The following MYLK4 variants were observed in gnomAD, a reference collection of about 807,000 sequenced individuals.
MYLK4 encodes the protein myosin light chain kinase family member 4.
MYLK4 carries 46 observed loss-of-function variants against 48.1 expected under a neutral mutation model. That is an observed-to-expected ratio of 0.96 (90% CI 0.75 to 1.22). MYLK4 has a LOEUF of 1.22. Among genes scored for constraint, MYLK4 ranks in the 50% most tolerant of loss-of-function variants. MYLK4 has a pLI of 0.00. For synonymous variants in MYLK4, 170 were observed against 180.8 expected, an observed-to-expected ratio of 0.94 and a Z score of 0.48; for missense variants, 451 against 486.1, an observed-to-expected ratio of 0.93 and a Z score of 0.68.
the MYLK4 span, among the ~76,000 whole-genome samples, chr6:2,759,322 G>A: frequency 6.6e-6 from 1 of 152,086 alleles, no homozygotes; most frequent in African/African-American, 2.4e-5. Context: ...GCCCAGGTTG[G>A]TCTTGAACTC....
At chr6:2,715,633 A>G (rs942234870) in intron 2 of MYLK4, among the ~76,000 whole-genome samples, 1 of 152,154 alleles carries the variant, frequency 6.6e-6, no homozygotes, top group Non-Finnish European at 1.5e-5. Context: ...AAGACATCTA[A>G]ATCAAAGTTG....
At chr6:2,755,032 T>C (rs1379077716), upstream of MYLK4, among the ~76,000 whole-genome samples, 1 of 152,202 alleles carries the variant, frequency 6.6e-6, no homozygotes, top group Non-Finnish European at 1.5e-5. Flanking sequence ...AATATCCAGA[T>C]TTCTTTACAG....
At position 2,667,238 on chromosome 6, in the gene MYLK4, A is replaced by G. The variant is rs1760690308; in HGVS notation, c.*687T>C. On this transcript the variant is annotated 3_prime_UTR_variant, in exon 13 of 13. Transcript: ENST00000274643. ...GGTGCAGGGAGTATAGATGTGAAAA[A>G]CAGAATCAGCTACATGGAAGAAAAC... 1 of 152,222 alleles carries G rather than the reference A, an allele frequency of 6.6e-6. No individual in the cohort carries two copies. Among genetic ancestry groups the G allele is most frequent in the Non-Finnish European group, 1.5e-5 (1 of 68,056 alleles). The allele number at this position is 152,222 out of a possible 1,614,324, so 9.4% of individuals were successfully genotyped here.
At chr6:2,679,244 T>G (rs771190787) in intron 9 of MYLK4, 36 bp downstream of exon 9, 27 of 1,611,244 alleles carry the variant, frequency 1.7e-5, no homozygotes, top group Non-Finnish European at 2.2e-5. Flanking sequence ...ATGCATGGAG[T>G]TGGAGAAGGG....
At chr6:2,718,951 T>G (rs1275212650) in intron 2 of MYLK4, among the ~76,000 whole-genome samples, 1 of 152,248 alleles carries the variant, frequency 6.6e-6, no homozygotes, top group Non-Finnish European at 1.5e-5. Context: ...ACGAGTCTCC[T>G]TTGATCCATA....
chr6:2,731,766 G>A (rs1435962812), intron 2 of MYLK4, among the ~76,000 whole-genome samples: 2 of 152,182 alleles, frequency 1.3e-5, no homozygotes, highest in African/African-American at 4.8e-5. Flanking sequence ...CTGGTAAAAT[G>A]AATCAATGCT....
At chr6:2,737,566 T>C (rs576850818) in intron 2 of MYLK4, among the ~76,000 whole-genome samples, 6 of 152,252 alleles carry the variant, frequency 3.9e-5, no homozygotes, top group South Asian at 2.1e-4. Flanking sequence ...AAAGGAGAGA[T>C]GTAAGATACA....
intron 2 of MYLK4, among the ~76,000 whole-genome samples, chr6:2,714,361 T>C (rs984527434): frequency 2.8e-4 from 42 of 152,248 alleles, no homozygotes; most frequent in African/African-American, 9.6e-4. Flanking sequence ...ACTCACCCCT[T>C]AATTTGCATG....
intron 2 of MYLK4, among the ~76,000 whole-genome samples, chr6:2,718,179 C>CAAAAAAAA (rs10590230): frequency 6.8e-5 from 9 of 133,280 alleles, no homozygotes; most frequent in East Asian, 2.2e-4. Flanking sequence ...AACTCTGTCT[C>CAAAAAAAA]AAAAAAAAAA....
chr6:2,702,479 G>T (rs543505147), intron 2 of MYLK4, among the ~76,000 whole-genome samples: 35 of 152,282 alleles, frequency 2.3e-4, no homozygotes, highest in Middle Eastern at 3.4e-3. Context: ...AAATTTAGAG[G>T]TTGAAGGGTG....
At chr6:2,698,260 C>T (rs1762142181) in intron 2 of MYLK4, among the ~76,000 whole-genome samples, 1 of 152,222 alleles carries the variant, frequency 6.6e-6, no homozygotes, top group African/African-American at 2.4e-5. Flanking sequence ...AGAGGTCGGC[C>T]ACCCTGTCCT....
chr6:2,701,813 T>A (rs1355784713), intron 2 of MYLK4, among the ~76,000 whole-genome samples: 2 of 152,228 alleles, frequency 1.3e-5, no homozygotes, highest in Non-Finnish European at 2.9e-5. Flanking sequence ...AAATCTGCTC[T>A]TTAACCAATG....
chr6:2,696,680 A>G (rs1762072995), intron 2 of MYLK4, among the ~76,000 whole-genome samples: 1 of 152,374 alleles, frequency 6.6e-6, no homozygotes, highest in Non-Finnish European at 1.5e-5. Context: ...TTCTTTTAAC[A>G]TTTATATTTT....
At chr6:2,728,927 C>T (rs927631721) in intron 2 of MYLK4, among the ~76,000 whole-genome samples, 8 of 152,244 alleles carry the variant, frequency 5.3e-5, no homozygotes, top group African/African-American at 1.7e-4. Flanking sequence ...TCCTGGCTTT[C>T]TGTGTCTCTG....
intron 10 of MYLK4, among the ~76,000 whole-genome samples, chr6:2,676,806 T>G (rs1761098060): frequency 6.6e-6 from 1 of 152,130 alleles, no homozygotes; most frequent in African/African-American, 2.4e-5. Flanking sequence ...TTTCCCCATG[T>G]GTAAAATGAT....
rs1196667315 is a variant in MYLK4 at position 2,664,099 on chromosome 6, T to C, written c.*3826A>G. Reference sequence around the variant, plus strand: ...CTTAATCCAGGAACCCAATATCTAATAAATCCAGCACCCACTTCCCTTTAG... The same window carrying C: ...CTTAATCCAGGAACCCAATATCTAACAAATCCAGCACCCACTTCCCTTTAG... On this transcript the variant is annotated 3_prime_UTR_variant, in exon 13 of 13. Transcript: ENST00000274643. 6.6e-6 allele frequency: 1 copy of C among 152,218 alleles called. No homozygotes were observed. Among genetic ancestry groups the C allele is most frequent in the Non-Finnish European group, 1.5e-5 (1 of 68,040 alleles). 9.4% of individuals were successfully genotyped at this position (152,218 alleles called of 1,614,324 possible). A position where few individuals can be genotyped will look rare whatever the true frequency, so the allele number is the denominator to read the frequency against.
the MYLK4 span, among the ~76,000 whole-genome samples, chr6:2,761,765 G>T: frequency 6.6e-6 from 1 of 152,084 alleles, no homozygotes; most frequent in African/African-American, 2.4e-5. Context: ...CATCCAAATA[G>T]CTCAACTTCA....
Position 2,740,916 on chromosome 6 carries a change from C to T in MYLK4, c.159+8220G>A, listed in dbSNP as rs145884697. Among the ~76,000 whole-genome samples, 64 of 152,326 alleles carry T rather than the reference C, an allele frequency of 4.2e-4. No homozygotes were observed. In the East Asian group the frequency reaches 0.011, roughly 27 times the overall value. Reference sequence around the variant, plus strand: ...AAAGACCTGGAATAGCTTCCTGAGTCGGATGTCCAGAGACTGACTTTGGGC... The same window carrying T: ...AAAGACCTGGAATAGCTTCCTGAGTTGGATGTCCAGAGACTGACTTTGGGC... On this transcript the variant is annotated intron_variant, in intron 2 of 12. Transcript: ENST00000274643.
the MYLK4 span, among the ~76,000 whole-genome samples, chr6:2,762,935 A>G: frequency 2.0e-5 from 3 of 152,320 alleles, no homozygotes; most frequent in South Asian, 2.1e-4. Context: ...CCACTCATTA[A>G]GACAATTCAG....
Sources: allele counts gnomAD v4.1 joint callset (sites outside exome capture counted in the v4.1 genomes callset), GRCh38; gene constraint gnomAD v4.1.1; transcripts MANE v1.5; gene names NCBI Gene and HGNC (gene_info 2026-07-23, HGNC 2026-07-21).